Variants in CAND2 observed in about 807,000 individuals in gnomAD.
The protein encoded by CAND2 is cullin associated and neddylation dissociated 2 (putative), also known as cullin-associated NEDD8-dissociated protein 2.
CAND2 carries 62 observed loss-of-function variants against 98.9 expected under a neutral mutation model. The ratio of observed to expected loss-of-function variants is 0.63; its 90% CI spans 0.51 to 0.77. The LOEUF (loss-of-function observed/expected upper bound fraction) is 0.77, where lower values mean the gene tolerates loss of function less well. CAND2 is among the 30% of genes least tolerant of loss of function. The pLI is 0.00. For synonymous variants in CAND2, 770 were observed against 731.9 expected (o/e 1.05, Z -0.84); for missense variants, 1,501 against 1,655.2 (o/e 0.91, Z 1.62).
At chr3:12,820,999 C>T (rs2061953018) in intron 11 of CAND2, among the ~76,000 whole-genome samples, 1 of 152,094 alleles carries the variant, frequency 6.6e-6, no homozygotes, top group Non-Finnish European at 1.5e-5. Flanking sequence ...TTTGGGAGGC[C>T]AAGGCAGGTG....
At chr3:12,813,197 CTCCTG>C (rs1390166168) in intron 6 of CAND2, 44 bp from the exon 7 acceptor site, 14 of 1,606,200 alleles carry the variant, frequency 8.7e-6, no homozygotes, top group Non-Finnish European at 1.1e-5. Flanking sequence ...CTGTCCCCCA[CTCCTG>C]TCCTGGCTGG....
intron 10 of CAND2, 32 bp downstream of exon 10, chr3:12,817,908 C>A (rs757392241): frequency 6.8e-7 from 1 of 1,476,322 alleles, no homozygotes; most frequent in Non-Finnish European, 9.0e-7. Flanking sequence ...AGGCAGCCCA[C>A]CTCGGAGGTG....
chr3:12,816,068 AC>A, intron 9 of CAND2, 60 bp downstream of exon 9: 1 of 1,532,324 alleles, frequency 6.5e-7, no homozygotes, highest in Non-Finnish European at 8.9e-7. Context: ...CCCAGACCCC[AC>A]CCCTGAGTTG....
At chr3:12,820,291 G>A (rs765337537) in intron 11 of CAND2, 110 bp downstream of exon 11, 18 of 766,408 alleles carry the variant, frequency 2.3e-5, no homozygotes, top group Non-Finnish European at 3.8e-5. Context: ...GACCCGGGAG[G>A]TGTGCCCATG....
intron 10 of CAND2, 118 bp from the exon 11 acceptor site, chr3:12,819,968 G>A: frequency 4.0e-6 from 3 of 745,708 alleles, no homozygotes; most frequent in Middle Eastern, 2.4e-4. Context: ...CAGAGATGGG[G>A]AGGGGGTACA....
At chr3:12,829,408 A>G (rs2062032276) in intron 13 of CAND2, among the ~76,000 whole-genome samples, 1 of 152,216 alleles carries the variant, frequency 6.6e-6, no homozygotes, top group Admixed American at 6.5e-5. Flanking sequence ...CGGCCTCCCA[A>G]AGTGTTGGGA....
chr3:12,818,585 C>A (rs990009922), intron 10 of CAND2, among the ~76,000 whole-genome samples: 1 of 152,210 alleles, frequency 6.6e-6, no homozygotes, highest in South Asian at 2.1e-4. Flanking sequence ...TCATCAGGCT[C>A]CTAGGAAAAT....
At position 12,817,256 on chromosome 3, in the gene CAND2, C is replaced by T. The variant is rs1241065219; in HGVS notation, c.2324C>T (p.Ala775Val). Residue 775 changes from alanine (A) to valine (V), a missense_variant, in exon 10 of 15, where the codon GCC becomes GTC. Ala to Val is a moderately conservative substitution (Grantham distance 64). Transcript: ENST00000456430. ...ACCCGTCCCCCGTGTGTGGACTATGCCAAACTCATCAGCCTGCTCACTGCG... is the reference window on the plus strand; with the variant it reads ...ACCCGTCCCCCGTGTGTGGACTATGTCAAACTCATCAGCCTGCTCACTGCG... ...VGTRPPCVDYAKLISLLTAPV... is the reference protein window; with the variant it reads ...VGTRPPCVDYVKLISLLTAPV... The T allele has an allele frequency of 6.2e-7, 1 of 1,613,810 alleles. No individual in the cohort carries two copies. The highest frequency in any genetic ancestry group is 1.3e-5 in the African/African-American group (1 of 74,944).
chr3:12,808,598 T>G (rs958575562), intron 4 of CAND2, among the ~76,000 whole-genome samples: 3 of 152,188 alleles, frequency 2.0e-5, no homozygotes, highest in African/African-American at 7.2e-5. Flanking sequence ...AACATGGGGT[T>G]AGATCAGTCT....
At chr3:12,801,265 T>C (rs1014197172) in intron 1 of CAND2, among the ~76,000 whole-genome samples, 1 of 152,132 alleles carries the variant, frequency 6.6e-6, no homozygotes, top group Non-Finnish European at 1.5e-5. Flanking sequence ...CTAGAACTTT[T>C]GACCTCAGGT....
At chr3:12,819,611 C>T (rs181023338) in intron 10 of CAND2, among the ~76,000 whole-genome samples, 5 of 152,198 alleles carry the variant, frequency 3.3e-5, no homozygotes, top group African/African-American at 1.2e-4. Flanking sequence ...GGGGCCCAGC[C>T]AGGAATTCTG....
chr3:12,816,667 C>A lies in CAND2; in HGVS notation c.1735C>A (p.Arg579Ser). 1 of 1,613,792 alleles carries A rather than the reference C, an allele frequency of 6.2e-7. No homozygotes were observed. Among genetic ancestry groups the A allele is most frequent in the Non-Finnish European group, 8.5e-7 (1 of 1,180,050 alleles). The change falls in exon 10 of 15, where the codon CGT becomes AGT. Residue 579 changes from arginine to serine, a missense_variant. This residue lies in a region of CAND2 where 1,427 missense variants were observed against 1,545.3 expected (regional missense o/e 0.92). Coordinates refer to ENST00000456430, the MANE Select transcript of CAND2 (RefSeq NM_001162499.2). ...GTCTGCTGTCACCCTGGCGCGACTT[C>A]GTGCCACTGACCTGGACCAGGAGGT... ...EMSAVTLARL[R>S]ATDLDQEVKE...
chr3:12,796,734 C>T lies in CAND2; in HGVS notation c.14C>T (p.Ala5Val). 1.3e-6 allele frequency: 2 copies of T among 1,587,938 alleles called. No individual in the cohort carries two copies. The highest frequency in any genetic ancestry group is 8.6e-7 in the Non-Finnish European group (1 of 1,167,478). The change falls in exon 1 of 15, where the codon GCC (alanine) becomes GTC (valine). Residue 5 changes from alanine to valine, a missense_variant. Ala to Val is a moderately conservative substitution (Grantham distance 64). Coordinates refer to ENST00000456430, the MANE Select transcript of CAND2 (RefSeq NM_001162499.2). MSTAAFHISSLLEKM... is the reference protein window; with the variant it reads MSTAVFHISSLLEKM... Reference sequence around the variant, plus strand: ...CGCGCAGCCACCATGAGCACCGCCGCCTTCCACATCTCCAGCCTCCTGGAG... The same window carrying T: ...CGCGCAGCCACCATGAGCACCGCCGTCTTCCACATCTCCAGCCTCCTGGAG...
chr3:12,812,356 T>TG (rs1307255378), intron 5 of CAND2, among the ~76,000 whole-genome samples: 1 of 150,448 alleles, frequency 6.6e-6, no homozygotes, highest in Non-Finnish European at 1.5e-5. Flanking sequence ...CCTGAATAGC[T>TG]GGGACTACAG....
At chr3:12,812,486 G>T (rs1575769163) in intron 5 of CAND2, among the ~76,000 whole-genome samples, 9 of 132,562 alleles carry the variant, frequency 6.8e-5, no homozygotes, top group African/African-American at 2.1e-4. Context: ...CTCACTGCAA[G>T]CTCCGCTTCC....
chr3:12,831,345 C>G, intron 13 of CAND2, 120 bp from the exon 14 acceptor site: 1 of 754,784 alleles, frequency 1.3e-6, no homozygotes, highest in Non-Finnish European at 2.3e-6. Context: ...GGCAGGACTT[C>G]ACGGTGGTCT....
chr3:12,817,902 AGCC>A, intron 10 of CAND2, 26 bp downstream of exon 10: 1 of 1,484,192 alleles, frequency 6.7e-7, no homozygotes, highest in South Asian at 1.4e-5. Context: ...TGGGCAAGGC[AGCC>A]CACCTCGGAG....
chr3:12,826,667 C>A (rs971981530), intron 12 of CAND2, among the ~76,000 whole-genome samples: 1 of 152,016 alleles, frequency 6.6e-6, no homozygotes, highest in Non-Finnish European at 1.5e-5. Context: ...CTGCCTCGGC[C>A]TCTCAAAGTG....
At chr3:12,805,944 G>A (rs567480322) in intron 2 of CAND2, among the ~76,000 whole-genome samples, 47 of 152,172 alleles carry the variant, frequency 3.1e-4, no homozygotes, top group Non-Finnish European at 5.0e-4. Context: ...AATTGCCAAG[G>A]TGGTATTACT....
Sources: allele counts gnomAD v4.1 joint callset (sites outside exome capture counted in the v4.1 genomes callset), GRCh38; gene constraint gnomAD v4.1.1; regional missense constraint gnomAD v4.1.1; transcripts MANE v1.5; gene names NCBI Gene and HGNC (gene_info 2026-07-23, HGNC 2026-07-21).